KPNA6: variants seen among roughly 807,000 people sequenced by gnomAD.
KPNA6 encodes the protein karyopherin subunit alpha 6, also known as importin subunit alpha-7.
KPNA6 carries 9 observed loss-of-function variants against 72.0 expected under a neutral mutation model. That is an observed-to-expected ratio of 0.13 (90% CI 0.08 to 0.22). KPNA6 has a LOEUF of 0.22. Among genes scored for constraint, KPNA6 ranks in the 10% least tolerant of loss-of-function variants. The pLI, the probability that KPNA6 is intolerant of heterozygous loss-of-function variation, is 1.00. For synonymous variants in KPNA6, 219 were observed against 242.1 expected, an observed-to-expected ratio of 0.90 and a Z score of 0.89; for missense variants, 374 against 655.7, an observed-to-expected ratio of 0.57 and a Z score of 4.69.
Position 32,163,129 on chromosome 1 carries a change from AAG to A in KPNA6, c.912-105_912-104del, listed in dbSNP as rs1642270928. 10 of 705,508 alleles carry A rather than the reference AAG, an allele frequency of 1.4e-5. No homozygotes were observed. In the Admixed American group the frequency reaches 2.6e-4, roughly 19 times the overall value. The allele number at this position is 705,508 out of a possible 1,614,324, so 43.7% of individuals were successfully genotyped here. A position where few individuals can be genotyped will look rare whatever the true frequency, so the allele number is the denominator to read the frequency against. ...AAAAAAAAAAGAAAAAAGAAAAAAA[AAG>A]GGTACAGGTTCCTTAAGCTTCTCCA... On this transcript the variant is annotated intron_variant, in intron 9 of 13. Coordinates refer to ENST00000373625, the MANE Select transcript of KPNA6 (RefSeq NM_012316.5).
At chr1:32,157,295 A>T in intron 3 of KPNA6, 51 bp from the exon 4 acceptor site, 1 of 1,398,990 alleles carries the variant, frequency 7.1e-7, no homozygotes, top group Non-Finnish European at 1.0e-6. Context: ...ATGTGCTCAC[A>T]TCTGGCTCTA....
chr1:32,119,379 G>A (rs1054621058), intron 1 of KPNA6, among the ~76,000 whole-genome samples: 1 of 151,950 alleles, frequency 6.6e-6, no homozygotes, highest in Admixed American at 6.6e-5. Context: ...TTGTCTTTGA[G>A]TGGAGGACAG....
chr1:32,138,154 G>A (rs1239405947), intron 1 of KPNA6, among the ~76,000 whole-genome samples: 1 of 151,784 alleles, frequency 6.6e-6, no homozygotes, highest in Non-Finnish European at 1.5e-5. Flanking sequence ...AAAAAATAGG[G>A]AAGATAGCAG....
chr1:32,110,096 C>T (rs991053615), intron 1 of KPNA6, among the ~76,000 whole-genome samples: 8 of 134,344 alleles, frequency 6.0e-5, no homozygotes, highest in Non-Finnish European at 1.1e-4. Context: ...AGAAATTTCA[C>T]TCTTGTCTCC....
At chr1:32,168,320 G>T (rs1642375519) in intron 12 of KPNA6, among the ~76,000 whole-genome samples, 1 of 152,192 alleles carries the variant, frequency 6.6e-6, no homozygotes, top group South Asian at 2.1e-4. Flanking sequence ...CTCCTGAGTA[G>T]CTGGGGTTAC....
chr1:32,144,757 T>C (rs1641901332), intron 1 of KPNA6, among the ~76,000 whole-genome samples: 1 of 151,962 alleles, frequency 6.6e-6, no homozygotes, highest in South Asian at 2.1e-4. Context: ...TACAAGCAGT[T>C]CTCCTGCGTC....
chr1:32,126,756 A>T (rs1053253593), intron 1 of KPNA6, among the ~76,000 whole-genome samples: 34 of 152,230 alleles, frequency 2.2e-4, no homozygotes, highest in African/African-American at 7.7e-4. Context: ...GTCCACTTTG[A>T]GGTGAAGTAA....
intron 2 of KPNA6, 54 bp from the exon 3 acceptor site, chr1:32,156,799 C>CT (rs1642152173): frequency 7.5e-7 from 1 of 1,334,740 alleles, no homozygotes; most frequent in Admixed American, 1.7e-5. Flanking sequence ...TTGGATTGTT[C>CT]TTTGTTTTCT....
intron 1 of KPNA6, among the ~76,000 whole-genome samples, chr1:32,109,528 G>A (rs747746880): frequency 5.9e-5 from 9 of 151,966 alleles, no homozygotes; most frequent in Non-Finnish European, 1.0e-4. Context: ...GGTTGGGCAG[G>A]GAGAAAAGGG....
chr1:32,160,701 A>G lies in KPNA6; in HGVS notation c.645A>G (p.Leu215=), dbSNP rs1458744233. ...VLNCSILNPL[L]TLLTKSTRLT... is the part of the protein sequence containing the mutation. Reference sequence around the variant, plus strand: ...ACTGTTCCATCCTTAATCCTTTGTTAACGTGAGTAATTATAATCATCTGTA... The same window carrying G: ...ACTGTTCCATCCTTAATCCTTTGTTGACGTGAGTAATTATAATCATCTGTA... The change falls in exon 7 of 14, where the codon TTA becomes TTG. Residue 215 remains leucine, a splice_region_variant and synonymous_variant. Coordinates refer to ENST00000373625, the MANE Select transcript of KPNA6 (RefSeq NM_012316.5). 1 of 1,611,858 alleles carries G rather than the reference A, an allele frequency of 6.2e-7. No individual in the cohort carries two copies. Among genetic ancestry groups the G allele is most frequent in the Admixed American group, 1.7e-5 (1 of 60,014 alleles).
rs1335660859 is a variant in KPNA6, at chr1:32,113,305, A to G, written c.4+5171A>G. Reference sequence around the variant, plus strand: ...CTACTCAGGAAACTGAAGTGGGAGAATCACTTGAACCTGGGAGGTTGAGGT... The same window carrying G: ...CTACTCAGGAAACTGAAGTGGGAGAGTCACTTGAACCTGGGAGGTTGAGGT... On this transcript the variant is annotated intron_variant, in intron 1 of 13. Coordinates refer to ENST00000373625, the MANE Select transcript of KPNA6 (RefSeq NM_012316.5). 2.0e-5 allele frequency among the ~76,000 whole-genome samples: 3 copies of G among 152,226 alleles called. No individual in the cohort carries two copies. The East Asian group carries it at 5.8e-4, about 29-fold the overall frequency.
chr1:32,125,979 TAAA>T (rs75504815), intron 1 of KPNA6, among the ~76,000 whole-genome samples: 30 of 98,974 alleles, frequency 3.0e-4, no homozygotes, highest in African/African-American at 7.9e-4. Flanking sequence ...CTATATTTAC[TAAA>T]AAAAAAAAAA....
At position 32,171,009 on chromosome 1, in the gene KPNA6, C is replaced by A; in HGVS notation, c.*115C>A. The A allele has an allele frequency of 4.5e-6, 4 of 881,714 alleles. No individual in the cohort carries two copies. The highest frequency in any genetic ancestry group is 7.1e-6 in the Non-Finnish European group (4 of 564,282). The allele number at this position is 881,714 out of a possible 1,614,324, so 54.6% of individuals were successfully genotyped here. On this transcript the variant is annotated 3_prime_UTR_variant, in exon 14 of 14. Transcript: ENST00000373625. ...CATCAGCCACCACACACCTCTGCTG[C>A]CCTGGAGACTGTGCTCTTGACCTGC... is the stretch of plus-strand genomic sequence containing the variant.
At position 32,173,856 on chromosome 1, in the gene KPNA6, C is replaced by G. The variant is rs878866139; in HGVS notation, c.*2962C>G. On this transcript the variant is annotated 3_prime_UTR_variant, in exon 14 of 14. Transcript: ENST00000373625. ...GGAATCCTGGCATGTTGGCATATGG[C>G]TGGTCTATCCTTTTTAAGATCTCTG... 1 of 152,274 alleles carries G rather than the reference C, an allele frequency of 6.6e-6. No homozygotes were observed. The highest frequency in any genetic ancestry group is 1.5e-5 in the Non-Finnish European group (1 of 68,096). 9.4% of individuals were successfully genotyped at this position (152,274 alleles called of 1,614,324 possible). A position where few individuals can be genotyped will look rare whatever the true frequency, so the allele number is the denominator to read the frequency against.
intron 13 of KPNA6, 25 bp downstream of exon 13, chr1:32,170,085 G>A (rs111727509): frequency 6.2e-7 from 1 of 1,602,732 alleles, no homozygotes; most frequent in South Asian, 1.1e-5. Flanking sequence ...CTCAATCTAG[G>A]TCAGAACCTG....
chr1:32,136,631 A>G (rs1180887406), intron 1 of KPNA6, among the ~76,000 whole-genome samples: 2 of 152,230 alleles, frequency 1.3e-5, no homozygotes, highest in Non-Finnish European at 2.9e-5. Flanking sequence ...TAGTACTCAG[A>G]CATAGGTTAT....
At chr1:32,156,128 G>A (rs1156325857) in intron 2 of KPNA6, among the ~76,000 whole-genome samples, 2 of 151,010 alleles carry the variant, frequency 1.3e-5, no homozygotes, top group African/African-American at 2.4e-5. Flanking sequence ...TTTAAGACAG[G>A]ATCTTGCCCT....
chr1:32,162,238 C>A, intron 8 of KPNA6, 123 bp from the exon 9 acceptor site: 6 of 1,033,246 alleles, frequency 5.8e-6, no homozygotes, highest in Non-Finnish European at 8.7e-6. Flanking sequence ...TAGTAGCGAT[C>A]CCTAGGGTCT....
At chr1:32,151,243 CT>C (rs1261528482) in intron 1 of KPNA6, among the ~76,000 whole-genome samples, 1 of 152,026 alleles carries the variant, frequency 6.6e-6, no homozygotes, top group East Asian at 1.9e-4. Context: ...CATGAGTAGC[CT>C]TTTCTGGGAA....
Sources: gnomAD v4.1 joint callset for allele counts (sites outside exome capture counted in the v4.1 genomes callset) on GRCh38, gnomAD v4.1.1 for gene constraint, MANE v1.5 for transcripts, NCBI Gene and HGNC (gene_info 2026-07-23, HGNC 2026-07-21) for gene names.